KHDRBS3: variants seen among roughly 807,000 people sequenced by gnomAD.
The protein encoded by KHDRBS3 is KH domain-containing, RNA-binding, signal transduction-associated protein 3.
Under a neutral mutation model 45.6 loss-of-function variants are expected in KHDRBS3, and 23 were observed. That is an observed-to-expected ratio of 0.50 (90% confidence interval 0.36 to 0.72). KHDRBS3 has a LOEUF of 0.72. KHDRBS3 is among the 30% of genes least tolerant of loss of function. KHDRBS3 has a pLI of 0.00. For missense variants in KHDRBS3, 352 were observed against 424.8 expected, an observed-to-expected ratio of 0.83 and a Z score of 1.51; for synonymous variants, 162 against 156.5, an observed-to-expected ratio of 1.04 and a Z score of -0.26.
Position 135,581,973 on chromosome 8 carries a change from G to A in KHDRBS3, c.707G>A (p.Ser236Asn), listed in dbSNP as rs1828234532. 1 of 1,613,602 alleles carries A rather than the reference G, an allele frequency of 6.2e-7. No individual in the cohort carries two copies. ...GTCCTGTCCACCCGAGGGCCAGTGA[G>A]TCGGGGAAGAGGACTTCTCACTCCC... ...RGVLSTRGPV[S>N]RGRGLLTPRA... Residue 236 changes from serine (S) to asparagine (N), a missense_variant, in exon 6 of 9, where the codon AGT (serine) becomes AAT (asparagine). Ser to Asn is a conservative substitution (Grantham distance 46, BLOSUM62 1). This residue lies in a region of KHDRBS3 where 212 missense variants were observed against 209.6 expected (regional missense o/e 1.01). Coordinates refer to ENST00000355849, the MANE Select transcript of KHDRBS3 (RefSeq NM_006558.3).
chr8:135,603,604 C>A (rs1829316570), intron 6 of KHDRBS3, among the ~76,000 whole-genome samples: 1 of 152,150 alleles, frequency 6.6e-6, no homozygotes. Context: ...TATACATTCT[C>A]ATCAAAGTAC....
chr8:135,552,646 T>G (rs1028105031), intron 4 of KHDRBS3, among the ~76,000 whole-genome samples: 1 of 152,194 alleles, frequency 6.6e-6, no homozygotes, highest in African/African-American at 2.4e-5. Flanking sequence ...CTGAGGTGTT[T>G]TTTAATTTTT....
chr8:135,507,157 A>G (rs144369612), intron 1 of KHDRBS3, among the ~76,000 whole-genome samples: 2 of 152,312 alleles, frequency 1.3e-5, no homozygotes, highest in Non-Finnish European at 2.9e-5. Flanking sequence ...AAACGGATCT[A>G]GTGGAATGCT....
intron 7 of KHDRBS3, chr8:135,625,751 T>C (rs1217792600): frequency 1.3e-6 from 1 of 761,180 alleles, no homozygotes; most frequent in African/African-American, 1.7e-5. Flanking sequence ...CTACTGGTAG[T>C]ATTTTGAAGT....
rs796549952 is a variant in KHDRBS3 at position 135,528,278 on chromosome 8, G to C, written c.207+6923G>C. ...GAGAGATAAAACATGTCTGTTCCTG[G>C]TGTTTCAGGGAAACTTTCTTTTTTG... On this transcript the variant is annotated intron_variant, in intron 2 of 8. Transcript: ENST00000355849. Among the ~76,000 whole-genome samples, 13 of 152,182 alleles carry C rather than the reference G, an allele frequency of 8.5e-5. 1 individual carries two copies. The highest frequency in any genetic ancestry group is 3.1e-4 in the African/African-American group (13 of 41,512).
At chr8:135,505,147 G>A (rs1451057657) in intron 1 of KHDRBS3, among the ~76,000 whole-genome samples, 1 of 152,138 alleles carries the variant, frequency 6.6e-6, no homozygotes, top group Non-Finnish European at 1.5e-5. Context: ...TTTCCAAAAA[G>A]CAATATTGAA....
intron 1 of KHDRBS3, among the ~76,000 whole-genome samples, chr8:135,509,638 C>T (rs1824174348): frequency 6.6e-6 from 1 of 152,094 alleles, no homozygotes; most frequent in Admixed American, 6.6e-5. Context: ...TTGAGTATTT[C>T]CTCTTGTTTA....
chr8:135,614,599 A>G (rs1002748070), intron 7 of KHDRBS3, among the ~76,000 whole-genome samples: 1 of 151,800 alleles, frequency 6.6e-6, no homozygotes, highest in Non-Finnish European at 1.5e-5. Flanking sequence ...GTCAACAAAA[A>G]TACTTCTAAC....
rs1830008970 is a variant in KHDRBS3, at chr8:135,618,506, A to G, written c.890+11469A>G. On this transcript the variant is annotated intron_variant, in intron 7 of 8. Coordinates refer to ENST00000355849, the MANE Select transcript of KHDRBS3 (RefSeq NM_006558.3). ...AAGTCATTATATCAATGGTAACTAT[A>G]TTTCTCTCCTAGTTTTTCTTAGTAG... Among the ~76,000 whole-genome samples the G allele has an allele frequency of 2.6e-5, 4 of 152,140 alleles. No individual in the cohort carries two copies. The South Asian group carries it at 8.3e-4, about 31-fold the overall frequency.
At chr8:135,606,624 T>C (rs1164500906) in intron 6 of KHDRBS3, among the ~76,000 whole-genome samples, 1 of 151,970 alleles carries the variant, frequency 6.6e-6, no homozygotes, top group Non-Finnish European at 1.5e-5. Context: ...TAAGACAAGT[T>C]AGAATAGCGC....
chr8:135,560,985 T>G (rs900823395), intron 5 of KHDRBS3, among the ~76,000 whole-genome samples: 1 of 152,234 alleles, frequency 6.6e-6, no homozygotes, highest in African/African-American at 2.4e-5. Context: ...TCCCAAGTCC[T>G]TTAAACACCT....
At chr8:135,625,695 A>G (rs912536720) in intron 7 of KHDRBS3, 12 of 793,580 alleles carry the variant, frequency 1.5e-5, no homozygotes, top group East Asian at 9.7e-5. Context: ...TCCTTTTACT[A>G]ATTTGTCCAC....
intron 5 of KHDRBS3, among the ~76,000 whole-genome samples, chr8:135,567,092 A>G (rs774231898): frequency 1.3e-5 from 2 of 152,144 alleles, no homozygotes; most frequent in Non-Finnish European, 2.9e-5. Context: ...GGACACATCT[A>G]TAGCAGCTGA....
intron 1 of KHDRBS3, among the ~76,000 whole-genome samples, chr8:135,518,950 AAATC>A (rs1824765794): frequency 6.6e-6 from 1 of 152,188 alleles, no homozygotes; most frequent in Admixed American, 6.5e-5. Context: ...TTTATAGAAA[AAATC>A]AATAAAATTA....
At chr8:135,562,840 A>T (rs1423081352) in intron 5 of KHDRBS3, among the ~76,000 whole-genome samples, 1 of 152,246 alleles carries the variant, frequency 6.6e-6, no homozygotes, top group African/African-American at 2.4e-5. Flanking sequence ...AAAGAAAAAC[A>T]TACTTGTTGG....
At chr8:135,527,061 A>G (rs750814350) in intron 2 of KHDRBS3, among the ~76,000 whole-genome samples, 1 of 151,990 alleles carries the variant, frequency 6.6e-6, no homozygotes, top group Non-Finnish European at 1.5e-5. Flanking sequence ...CAGATACATT[A>G]TGGTTTAGGG....
At chr8:135,497,256 T>C (rs896389625) in intron 1 of KHDRBS3, among the ~76,000 whole-genome samples, 2 of 152,216 alleles carry the variant, frequency 1.3e-5, no homozygotes, top group South Asian at 2.1e-4. Flanking sequence ...TGAGTGCCAG[T>C]TGAGTCAGAA....
At chr8:135,584,847 G>GA (rs1238703772) in intron 6 of KHDRBS3, among the ~76,000 whole-genome samples, 9 of 152,248 alleles carry the variant, frequency 5.9e-5, no homozygotes, top group Admixed American at 5.2e-4. Context: ...TCAACTGTTT[G>GA]AAAACCTAAA....
Position 135,521,371 on chromosome 8 carries a change from C to T in KHDRBS3, c.207+16C>T, listed in dbSNP as rs757818089. 7.4e-7 allele frequency: 1 copy of T among 1,356,562 alleles called. No homozygotes were observed. The highest frequency in any genetic ancestry group is 1.1e-6 in the Non-Finnish European group (1 of 949,496). The allele number at this position is 1,356,562 out of a possible 1,614,324, so 84.0% of individuals were successfully genotyped here. Reference sequence around the variant, plus strand: ...GTTCCCTAAGGTAAGACAGTGAGGTCTACACTGCAGGTATTTTAACCTGAA... The same window carrying T: ...GTTCCCTAAGGTAAGACAGTGAGGTTTACACTGCAGGTATTTTAACCTGAA... On this transcript the variant is annotated intron_variant, in intron 2 of 8. Coordinates refer to ENST00000355849, the MANE Select transcript of KHDRBS3 (RefSeq NM_006558.3).
Sources: allele counts gnomAD v4.1 joint callset (sites outside exome capture counted in the v4.1 genomes callset), GRCh38; gene constraint gnomAD v4.1.1; regional missense constraint gnomAD v4.1.1; transcripts MANE v1.5; gene names NCBI Gene and HGNC (gene_info 2026-07-23, HGNC 2026-07-21).